RBFOX1: variants seen among roughly 807,000 people sequenced by gnomAD.
The protein encoded by RBFOX1 is RNA binding protein fox-1 homolog 1.
A neutral mutation model predicts 57.7 loss-of-function variants in RBFOX1; 8 were observed. The observed-to-expected ratio is 0.14, with a 90% confidence interval of 0.08 to 0.25. The LOEUF is 0.25. Among genes scored for constraint, RBFOX1 ranks in the 10% least tolerant of loss-of-function variants. The pLI is 1.00. For missense variants in RBFOX1, 611 were observed against 548.5 expected (o/e 1.11, Z -1.14); for synonymous variants, 326 against 222.4 (o/e 1.47, Z -4.15).
chr16:6,602,918 A>G lies in RBFOX1; in HGVS notation c.-63-51685A>G, dbSNP rs185658953. ...GACTCTTTCCCAAATCCTGTCACTA[A>G]TAAAACGAGAGCTGGAGATTGGGAA... On this transcript the variant is annotated intron_variant, in intron 2 of 15. Transcript: ENST00000550418. Among the ~76,000 whole-genome samples, 931 of 152,254 alleles carry G rather than the reference A, an allele frequency of 6.1e-3. 9 individuals are homozygous for G. The highest frequency in any genetic ancestry group is 8.5e-3 in the Non-Finnish European group (581 of 68,008).
chr16:6,910,269 C>A (rs1215859354), intron 3 of RBFOX1, among the ~76,000 whole-genome samples: 1 of 152,118 alleles, frequency 6.6e-6, no homozygotes, highest in Non-Finnish European at 1.5e-5. Context: ...TTTCTCCATA[C>A]TTCCAGAATC....
intron 2 of RBFOX1, among the ~76,000 whole-genome samples, chr16:5,590,723 A>G (rs2046980545): frequency 6.6e-6 from 1 of 152,176 alleles, no homozygotes; most frequent in Admixed American, 6.5e-5. Context: ...AGGGGGTTTA[A>G]TGTTCGCAGA....
intron 1 of RBFOX1, among the ~76,000 whole-genome samples, chr16:5,360,823 C>G (rs533294164): frequency 2.4e-4 from 37 of 152,278 alleles, no homozygotes; most frequent in African/African-American, 7.7e-4. Flanking sequence ...CCATCTTTGC[C>G]TCTTTCCTGC....
intron 4 of RBFOX1, among the ~76,000 whole-genome samples, chr16:7,288,995 G>A (rs776203679): frequency 5.9e-5 from 9 of 152,184 alleles, no homozygotes; most frequent in Non-Finnish European, 1.0e-4. Flanking sequence ...GAATCTGAGT[G>A]ATATTAGAGG....
At chr16:5,324,150 C>A (rs1346082012) in intron 1 of RBFOX1, among the ~76,000 whole-genome samples, 1 of 152,174 alleles carries the variant, frequency 6.6e-6, no homozygotes, top group African/African-American at 2.4e-5. Context: ...GCACGGGCAT[C>A]ACCTGGAAGC....
intron 7 of RBFOX1, among the ~76,000 whole-genome samples, chr16:7,589,142 C>A (rs567331232): frequency 6.6e-6 from 1 of 152,338 alleles, no homozygotes; most frequent in East Asian, 1.9e-4. Flanking sequence ...CTCGAGCCTT[C>A]TGTATTCTTG....
At chr16:6,935,263 T>C (rs1374654033) in intron 3 of RBFOX1, among the ~76,000 whole-genome samples, 1 of 152,158 alleles carries the variant, frequency 6.6e-6, no homozygotes. Context: ...GTGTGGTTCC[T>C]GGCATGTAGC....
intron 2 of RBFOX1, among the ~76,000 whole-genome samples, chr16:6,367,590 C>A (rs558147114): frequency 9.9e-4 from 150 of 152,114 alleles, no homozygotes; most frequent in African/African-American, 3.4e-3. Context: ...TTTTCTTATG[C>A]ATTTGAAATC....
At chr16:7,668,915 G>GT (rs1358485805) in intron 13 of RBFOX1, among the ~76,000 whole-genome samples, 1 of 152,090 alleles carries the variant, frequency 6.6e-6, no homozygotes, top group East Asian at 1.9e-4. Flanking sequence ...AGCTATAGAT[G>GT]TTTTTTGAGG....
intron 3 of RBFOX1, among the ~76,000 whole-genome samples, chr16:6,788,025 C>G (rs2082255624): frequency 6.6e-6 from 1 of 152,132 alleles, no homozygotes; most frequent in Non-Finnish European, 1.5e-5. Context: ...GAGTTCGAGA[C>G]CAGCCAGACC....
At position 6,672,564 on chromosome 16, in the gene RBFOX1, A is replaced by T. The variant is rs2098773254; in HGVS notation, c.-16+17914A>T. Reference sequence around the variant, plus strand: ...AGGAGAAAGAAAAGAAAAGAAAAGAAAGAGAAGAAATTCTGTTTATGTGAC... The same window carrying T: ...AGGAGAAAGAAAAGAAAAGAAAAGATAGAGAAGAAATTCTGTTTATGTGAC... On this transcript the variant is annotated intron_variant, in intron 3 of 15. Transcript: ENST00000550418. Among the ~76,000 whole-genome samples the T allele has an allele frequency of 2.6e-5, 4 of 152,106 alleles. No homozygotes were observed. In the South Asian group the frequency reaches 8.3e-4, roughly 32 times the overall value.
At chr16:6,251,767 A>G (rs1400324081) in intron 1 of RBFOX1, among the ~76,000 whole-genome samples, 1 of 151,972 alleles carries the variant, frequency 6.6e-6, no homozygotes. Context: ...TGCTGCCCCT[A>G]ATGACGTAGC....
chr16:6,681,117 C>G (rs893507719), intron 3 of RBFOX1, among the ~76,000 whole-genome samples: 2 of 152,048 alleles, frequency 1.3e-5, no homozygotes, highest in African/African-American at 2.4e-5. Context: ...TCGAGACCAT[C>G]CTGGGAAACA....
chr16:6,043,766 G>A (rs976919173), intron 1 of RBFOX1, among the ~76,000 whole-genome samples: 6 of 152,138 alleles, frequency 3.9e-5, no homozygotes, highest in Non-Finnish European at 2.9e-5. Context: ...CCCTTTGATT[G>A]TCAGCTGAGT....
intron 2 of RBFOX1, among the ~76,000 whole-genome samples, chr16:6,482,744 G>A (rs2095391734): frequency 6.6e-6 from 1 of 152,162 alleles, no homozygotes; most frequent in Non-Finnish European, 1.5e-5. Context: ...GTTTGGGGCG[G>A]GAGGCGAGAT....
intron 4 of RBFOX1, among the ~76,000 whole-genome samples, chr16:7,498,254 G>T (rs1426497569): frequency 6.6e-6 from 1 of 152,096 alleles, no homozygotes; most frequent in Non-Finnish European, 1.5e-5. Flanking sequence ...TGCCAAGGTG[G>T]TCACTTGGTA....
chr16:7,176,918 C>G (rs1282429453), intron 4 of RBFOX1, among the ~76,000 whole-genome samples: 1 of 152,022 alleles, frequency 6.6e-6, no homozygotes, highest in East Asian at 1.9e-4. Context: ...CATTTAAATG[C>G]CTCTAATCTC....
chr16:6,966,225 C>T (rs1002788647), intron 3 of RBFOX1, among the ~76,000 whole-genome samples: 7 of 152,124 alleles, frequency 4.6e-5, no homozygotes, highest in Admixed American at 3.9e-4. Context: ...CCCAGCTTCT[C>T]ACATAGGGCC....
chr16:5,688,673 A>T (rs1344476846), intron 3 of RBFOX1, among the ~76,000 whole-genome samples: 1 of 152,216 alleles, frequency 6.6e-6, no homozygotes, highest in Admixed American at 6.5e-5. Flanking sequence ...ACCTACCCAG[A>T]GTCTCACATG....
Sources: gnomAD v4.1 joint callset for allele counts (sites outside exome capture counted in the v4.1 genomes callset) on GRCh38, gnomAD v4.1.1 for gene constraint, MANE v1.5 for transcripts, NCBI Gene and HGNC (gene_info 2026-07-23, HGNC 2026-07-21) for gene names.